The following CFAP69 variants were observed in gnomAD, a reference collection of about 807,000 sequenced individuals.
The protein encoded by CFAP69 is cilia and flagella associated protein 69.
In CFAP69, 92 loss-of-function variants were observed where a neutral mutation model predicts 123.0. The observed-to-expected ratio is 0.75, with a 90% CI of 0.63 to 0.89. CFAP69 has a LOEUF of 0.89. Among genes scored for constraint, CFAP69 ranks in the 40% least tolerant of loss-of-function variants. The pLI is 0.00. For missense variants in CFAP69, 1,067 were observed against 1,096.9 expected, an observed-to-expected ratio of 0.97 and a Z score of 0.39; for synonymous variants, 380 against 364.3, an observed-to-expected ratio of 1.04 and a Z score of -0.49.
the CFAP69 span, chr7:90,318,567 G>T: frequency 6.6e-6 from 1 of 151,994 alleles, no homozygotes; most frequent in East Asian, 1.9e-4. Context: ...TAATATATAA[G>T]ATACCTTATA....
intron 16 of CFAP69, among the ~76,000 whole-genome samples, chr7:90,299,599 A>G (rs1270205449): frequency 1.3e-5 from 2 of 152,002 alleles, no homozygotes; most frequent in South Asian, 2.1e-4. Flanking sequence ...TCTTTTTCCA[A>G]CTCAGCCACA....
intron 1 of CFAP69, 115 bp downstream of exon 1, chr7:90,245,659 G>GA: frequency 7.8e-7 from 1 of 1,286,402 alleles, no homozygotes; most frequent in Non-Finnish European, 1.0e-6. Context: ...GAAGATGGGG[G>GA]AAGCCGCGGG....
rs1275595940 is a variant in CFAP69, at chr7:90,310,898, T to C, written c.*660T>C. ...ATCAGAAGCAAGTATATATGAATATTGGGCAGCAAGATAAACAATAACTCT... is the reference window on the plus strand; with the variant it reads ...ATCAGAAGCAAGTATATATGAATATCGGGCAGCAAGATAAACAATAACTCT... On this transcript the variant is annotated 3_prime_UTR_variant, in exon 23 of 23. Transcript: ENST00000389297. The C allele has an allele frequency of 1.3e-5, 2 of 152,170 alleles. No individual in the cohort carries two copies. The highest frequency in any genetic ancestry group is 2.9e-5 in the Non-Finnish European group (2 of 68,034). 9.4% of individuals were successfully genotyped at this position (152,170 alleles called of 1,614,324 possible).
intron 16 of CFAP69, among the ~76,000 whole-genome samples, chr7:90,299,055 T>A (rs1354589316): frequency 2.6e-5 from 4 of 152,178 alleles, no homozygotes; most frequent in Non-Finnish European, 2.9e-5. Flanking sequence ...GAGTCTCATA[T>A]AACTCATAAT....
At chr7:90,271,394 G>T in intron 6 of CFAP69, 132 bp from the exon 7 acceptor site, 1 of 920,524 alleles carries the variant, frequency 1.1e-6, no homozygotes. Context: ...TCCCTATGCT[G>T]CGCAATTTTT....
In CFAP69 at chr7:90,304,069, T is replaced by C. The variant is rs201452911; in HGVS notation, c.2151T>C (p.Asn717=). ...PSIAVMDVSE[N]IRAKIYAILG... is the part of the protein sequence containing the mutation. Reference sequence around the variant, plus strand: ...TTGCGGTTATGGATGTTTCTGAGAATATTAGAGCAAAAATTTATGCTATAT... The same window carrying C: ...TTGCGGTTATGGATGTTTCTGAGAACATTAGAGCAAAAATTTATGCTATAT... The change falls in exon 18 of 23, where the codon AAT becomes AAC. Residue 717 remains asparagine, a synonymous_variant. Transcript: ENST00000389297. 8.4e-6 allele frequency: 13 copies of C among 1,550,830 alleles called. No individual in the cohort carries two copies. The highest frequency in any genetic ancestry group is 1.0e-5 in the Non-Finnish European group (12 of 1,146,576).
At chr7:90,265,518 AGT>A in intron 5 of CFAP69, 141 bp downstream of exon 5, 1 of 572,596 alleles carries the variant, frequency 1.7e-6, no homozygotes, top group Non-Finnish European at 3.1e-6. Context: ...AATTAATCAC[AGT>A]GTGCTTGGTG....
At chr7:90,313,793 C>A (rs1794530721), downstream of CFAP69, among the ~76,000 whole-genome samples, 4 of 152,256 alleles carry the variant, frequency 2.6e-5, 1 homozygote, top group South Asian at 8.3e-4. Flanking sequence ...ATTCCCTCCT[C>A]AAGAAGGTAG....
Position 90,264,501 on chromosome 7 carries a change from G to A in CFAP69, c.357-800G>A, listed in dbSNP as rs142002249. Among the ~76,000 whole-genome samples the A allele has an allele frequency of 1.3e-4, 19 of 151,884 alleles. No homozygotes were observed. In the South Asian group the frequency reaches 3.3e-3, roughly 27 times the overall value. On this transcript the variant is annotated intron_variant, in intron 4 of 22. Transcript: ENST00000389297. The stretch of plus-strand genomic sequence containing the variant: ...GATCTCTAAGAATGAATAAACTATC[G>A]ATTTTGCCTAGAGTTTTGAAAATTT...
At chr7:90,278,432 C>CA (rs1389648409) in intron 11 of CFAP69, among the ~76,000 whole-genome samples, 2 of 151,590 alleles carry the variant, frequency 1.3e-5, no homozygotes, top group African/African-American at 4.8e-5. Context: ...TTATTTGTGA[C>CA]AAAAAAATAC....
intron 8 of CFAP69, chr7:90,272,353 T>C (rs1800076366): frequency 6.2e-6 from 1 of 160,164 alleles, no homozygotes; most frequent in South Asian, 1.9e-4. Context: ...AACAAATAAT[T>C]GTCTGCTCTA....
At chr7:90,273,946 G>C in intron 8 of CFAP69, 41 bp from the exon 9 acceptor site, 1 of 1,456,454 alleles carries the variant, frequency 6.9e-7, no homozygotes, top group Non-Finnish European at 9.4e-7. Context: ...AACATTTAGT[G>C]TATAACAATA....
chr7:90,315,812 G>A (rs964883738), downstream of CFAP69, among the ~76,000 whole-genome samples: 2 of 152,136 alleles, frequency 1.3e-5, no homozygotes, highest in African/African-American at 4.8e-5. Flanking sequence ...AAAGATTCTG[G>A]CCAGGCTTGG....
intron 15 of CFAP69, among the ~76,000 whole-genome samples, chr7:90,289,143 T>A (rs1396774013): frequency 6.6e-6 from 1 of 152,038 alleles, no homozygotes; most frequent in African/African-American, 2.4e-5. Context: ...TTATTAAACA[T>A]CATAGATATT....
Position 90,310,167 on chromosome 7 carries a change from CGAGGAGGAGCCTTGCA to C in CFAP69, c.2760_2775del (p.Gly921Ter), listed in dbSNP as rs1473140045. On this transcript the variant is annotated frameshift_variant, in exon 23 of 23. Coordinates refer to ENST00000389297, the MANE Select transcript of CFAP69 (RefSeq NM_001039706.3). LOFTEE classifies it high-confidence loss of function. Reference sequence around the variant, plus strand: ...TATTGCTCTTAAAAAACTGCCCATTCGAGGAGGAGCCTTGCAGAGGGTGAAAGCAGTTAAAATTGTG... The same window carrying C: ...TATTGCTCTTAAAAAACTGCCCATTCGAGGGTGAAAGCAGTTAAAATTGTG... 1 of 1,613,724 alleles carries C rather than the reference CGAGGAGGAGCCTTGCA, an allele frequency of 6.2e-7. No individual in the cohort carries two copies. Among genetic ancestry groups the C allele is most frequent in the Non-Finnish European group, 8.5e-7 (1 of 1,179,890 alleles).
intron 21 of CFAP69, among the ~76,000 whole-genome samples, chr7:90,308,428 T>C (rs1365425839): frequency 6.6e-6 from 1 of 152,204 alleles, no homozygotes; most frequent in African/African-American, 2.4e-5. Context: ...TTCCAGAATT[T>C]CATTACTTTT....
At position 90,310,224 on chromosome 7, in the gene CFAP69, A is replaced by G; in HGVS notation, c.2812A>G (p.Ser938Gly). Residue 938 changes from serine to glycine, a missense_variant, in exon 23 of 23, where the codon AGT (serine) becomes GGT (glycine). Coordinates refer to ENST00000389297, the MANE Select transcript of CFAP69 (RefSeq NM_001039706.3). ...TAAAATTGTGGATGCACCAAAAAAG[A>G]GTATTCCTACGTAATATACTATAGA... Reference protein sequence around the residue: ...AVKIVDAPKKSIPT With the variant: ...AVKIVDAPKKGIPT The G allele has an allele frequency of 6.2e-7, 1 of 1,613,312 alleles. No homozygotes were observed. Among genetic ancestry groups the G allele is most frequent in the Non-Finnish European group, 8.5e-7 (1 of 1,179,550 alleles).
chr7:90,302,549 G>A (rs1349379259), intron 17 of CFAP69: 1 of 152,190 alleles, frequency 6.6e-6, no homozygotes. Context: ...TGGCTGGCTA[G>A]TTATCCCAGC....
At chr7:90,297,314 A>G (rs976187608) in intron 15 of CFAP69, among the ~76,000 whole-genome samples, 18 of 152,270 alleles carry the variant, frequency 1.2e-4, no homozygotes, top group East Asian at 7.7e-4. Context: ...TCATGGCCTG[A>G]ACTAGTTTTT....
Sources: gnomAD v4.1 joint callset for allele counts (sites outside exome capture counted in the v4.1 genomes callset) on GRCh38, gnomAD v4.1.1 for gene constraint, MANE v1.5 for transcripts, NCBI Gene and HGNC (gene_info 2026-07-23, HGNC 2026-07-21) for gene names.